ABCE1: variants seen among roughly 807,000 people sequenced by gnomAD.
The protein encoded by ABCE1 is ATP binding cassette subfamily E member 1, also known as ATP-binding cassette sub-family E member 1.
In ABCE1, 22 loss-of-function variants were observed where a neutral mutation model predicts 83.4. The ratio of observed to expected loss-of-function variants is 0.26; its 90% CI spans 0.19 to 0.38. ABCE1 has a LOEUF of 0.38. Ranked by LOEUF, ABCE1 falls within the 10% of genes least tolerant of loss-of-function variation. The pLI is 1.00. For missense variants in ABCE1, 330 were observed against 721.9 expected (o/e 0.46, Z 6.22); for synonymous variants, 204 against 233.7 (o/e 0.87, Z 1.16).
At chr4:145,123,665 A>G (rs1214791665) in intron 16 of ABCE1, 65 bp downstream of exon 16, 2 of 1,447,636 alleles carry the variant, frequency 1.4e-6, no homozygotes, top group Non-Finnish European at 1.9e-6. Context: ...TAGTAAAGTC[A>G]CTCACTTTAA....
intron 10 of ABCE1, among the ~76,000 whole-genome samples, chr4:145,119,481 G>A (rs1253509793): frequency 1.3e-5 from 2 of 151,740 alleles, no homozygotes; most frequent in Middle Eastern, 3.2e-3. Context: ...TTTTTTTAAA[G>A]CAATAAATTA....
chr4:145,107,016 T>G (rs1445101954), intron 3 of ABCE1, among the ~76,000 whole-genome samples: 1 of 152,116 alleles, frequency 6.6e-6, no homozygotes, highest in African/African-American at 2.4e-5. Flanking sequence ...GGTTATAATT[T>G]TTGCATGTAC....
rs1489690221 is a variant in ABCE1, at chr4:145,128,256, T to G, written c.*683T>G. On this transcript the variant is annotated 3_prime_UTR_variant, in exon 18 of 18. Transcript: ENST00000296577. ...CTTTACTCTGAACTTTTTTTGTTTT[T>G]GCATTCCATGAGGTTCTGTATTCAG... 6.6e-6 allele frequency: 1 copy of G among 152,652 alleles called. No homozygotes were observed. The highest frequency in any genetic ancestry group is 1.5e-5 in the Non-Finnish European group (1 of 68,030). The allele number at this position is 152,652 out of a possible 1,614,324, so 9.5% of individuals were successfully genotyped here. A position where few individuals can be genotyped will look rare whatever the true frequency, so the allele number is the denominator to read the frequency against.
chr4:145,121,683 C>T (rs1229883887), intron 13 of ABCE1: 5 of 258,262 alleles, frequency 1.9e-5, no homozygotes, highest in Non-Finnish European at 3.8e-5. Flanking sequence ...ACCATCCTGG[C>T]TAACATGGTG....
chr4:145,117,653 G>C (rs1037220154), intron 10 of ABCE1, among the ~76,000 whole-genome samples: 1 of 151,594 alleles, frequency 6.6e-6, no homozygotes, highest in Non-Finnish European at 1.5e-5. Context: ...TACTTTTGTT[G>C]GGGGTTGGGA....
At chr4:145,100,996 A>G (rs773666127) in intron 1 of ABCE1, among the ~76,000 whole-genome samples, 9 of 152,056 alleles carry the variant, frequency 5.9e-5, no homozygotes, top group Non-Finnish European at 1.0e-4. Context: ...AAAAATGTGT[A>G]TGTGTTTGTA....
intron 8 of ABCE1, 108 bp downstream of exon 8, chr4:145,111,172 C>CT: frequency 1.5e-6 from 1 of 667,816 alleles, no homozygotes; most frequent in Non-Finnish European, 2.4e-6. Flanking sequence ...GAAATAGTAT[C>CT]TAAGTTCCTA....
intron 2 of ABCE1, 84 bp downstream of exon 2, chr4:145,104,599 CAT>C: frequency 1.1e-6 from 1 of 885,092 alleles, no homozygotes; most frequent in Admixed American, 3.4e-5. Context: ...CGGACATTAA[CAT>C]AAACTTTGTG....
At chr4:145,126,195 T>C (rs1458158200) in intron 17 of ABCE1, among the ~76,000 whole-genome samples, 2 of 152,214 alleles carry the variant, frequency 1.3e-5, no homozygotes, top group Admixed American at 1.3e-4. Flanking sequence ...CTCTGTGAAA[T>C]ACAGTATTTG....
chr4:145,121,221 C>T lies in ABCE1; in HGVS notation c.1192C>T (p.Pro398Ser). Residue 398 changes from proline to serine, a missense_variant, in exon 12 of 18, where the codon CCT becomes TCT. Transcript: ENST00000296577. ...CAGAATGCTTGCTGGAAGACTTAAA[C>T]CTGATGAAGGAGGTACATTTGTAAC... ...FIRMLAGRLK[P>S]DEGGEVPVLN... 6.2e-7 allele frequency: 1 copy of T among 1,613,718 alleles called. No individual in the cohort carries two copies. Among genetic ancestry groups the T allele is most frequent in the Non-Finnish European group, 8.5e-7 (1 of 1,179,828 alleles).
chr4:145,123,883 TATTTGA>T (rs1226095940), intron 16 of ABCE1: 1 of 204,366 alleles, frequency 4.9e-6, no homozygotes, highest in Non-Finnish European at 1.0e-5. Context: ...TTTGCTTTAT[TATTTGA>T]ATTTCCCAAA....
In ABCE1 at chr4:145,110,667, G is replaced by A. The variant is rs576459828; in HGVS notation, c.613+223G>A. ...ATTTTTTGTATTTTTAGTAGAGACCGGGTTTCTCCATGTCAGTCAGGCTGG... is the reference window on the plus strand; with the variant it reads ...ATTTTTTGTATTTTTAGTAGAGACCAGGTTTCTCCATGTCAGTCAGGCTGG... On this transcript the variant is annotated intron_variant, in intron 7 of 17. Coordinates refer to ENST00000296577, the MANE Select transcript of ABCE1 (RefSeq NM_002940.3). Among the ~76,000 whole-genome samples the A allele has an allele frequency of 3.9e-5, 6 of 152,106 alleles. No individual in the cohort carries two copies. The South Asian group carries it at 6.2e-4, about 16-fold the overall frequency.
chr4:145,113,820 T>C (rs768468230), intron 9 of ABCE1, among the ~76,000 whole-genome samples: 9 of 152,100 alleles, frequency 5.9e-5, no homozygotes, highest in Admixed American at 2.6e-4. Flanking sequence ...ACATGTTAGA[T>C]GGGTTAGGGA....
In ABCE1 at chr4:145,127,752, T is replaced by C; in HGVS notation, c.*179T>C. 1 of 467,788 alleles carries C rather than the reference T, an allele frequency of 2.1e-6. No homozygotes were observed. The highest frequency in any genetic ancestry group is 3.7e-6 in the Non-Finnish European group (1 of 271,588). The allele number at this position is 467,788 out of a possible 1,614,324, so 29.0% of individuals were successfully genotyped here. A position where few individuals can be genotyped will look rare whatever the true frequency, so the allele number is the denominator to read the frequency against. On this transcript the variant is annotated 3_prime_UTR_variant, in exon 18 of 18. Coordinates refer to ENST00000296577, the MANE Select transcript of ABCE1 (RefSeq NM_002940.3). ...TAAATTGTAGTTGAAACACAGAAAA[T>C]GCCACTTTTCTGTTCCTGAAGAGGC...
chr4:145,123,154 AT>A (rs754117821), intron 14 of ABCE1, 23 bp downstream of exon 14: 17 of 1,578,616 alleles, frequency 1.1e-5, no homozygotes, highest in African/African-American at 1.4e-5. Context: ...AATTTTTTTT[AT>A]TTTTTTATTA....
intron 9 of ABCE1, among the ~76,000 whole-genome samples, chr4:145,114,300 C>T (rs1001445937): frequency 2.0e-5 from 3 of 152,082 alleles, no homozygotes; most frequent in Non-Finnish European, 2.9e-5. Context: ...AAAGCATACA[C>T]ATGTACCAGA....
intron 5 of ABCE1, 52 bp from the exon 6 acceptor site, chr4:145,110,051 T>C: frequency 1.0e-5 from 15 of 1,439,822 alleles, no homozygotes; most frequent in Non-Finnish European, 1.4e-5. Flanking sequence ...TCATCCTCTT[T>C]GTCATTGTAT....
chr4:145,107,955 T>G, intron 3 of ABCE1, 60 bp from the exon 4 acceptor site: 1 of 1,253,060 alleles, frequency 8.0e-7, no homozygotes. Context: ...TAATCCATTT[T>G]AGTTATGTGT....
chr4:145,110,953 C>CT lies in ABCE1; in HGVS notation c.614-14dup, dbSNP rs774944821. ...GTGAAATACATTGAGCACAATGCCT[C>CT]TATGTTCTTTGTAGATTTAACCCAC... is the stretch of plus-strand genomic sequence containing the variant. On this transcript the variant is annotated splice_polypyrimidine_tract_variant and intron_variant, in intron 7 of 17. Transcript: ENST00000296577. 1.3e-6 allele frequency: 2 copies of CT among 1,578,044 alleles called. No individual in the cohort carries two copies. The highest frequency in any genetic ancestry group is 1.7e-6 in the Non-Finnish European group (2 of 1,155,102).
Sources: allele counts gnomAD v4.1 joint callset (sites outside exome capture counted in the v4.1 genomes callset), GRCh38; gene constraint gnomAD v4.1.1; transcripts MANE v1.5; gene names NCBI Gene and HGNC (gene_info 2026-07-23, HGNC 2026-07-21).